The following SPATA13 variants were observed in gnomAD, a reference collection of about 807,000 sequenced individuals.
The protein encoded by SPATA13 is spermatogenesis-associated protein 13.
Under a neutral mutation model 104.0 loss-of-function variants are expected in SPATA13, and 50 were observed. The observed-to-expected ratio is 0.48, with a 90% CI of 0.38 to 0.61. The LOEUF (loss-of-function observed/expected upper bound fraction) is 0.61, where lower values mean the gene tolerates loss of function less well. Among genes scored for constraint, SPATA13 ranks in the 20% least tolerant of loss-of-function variants. The pLI is 0.00. For synonymous variants in SPATA13, 606 were observed against 667.5 expected (o/e 0.91, Z 1.42); for missense variants, 1,524 against 1,690.6 (o/e 0.90, Z 1.73).
At chr13:24,006,391 C>T (rs1876229188) in intron 2 of SPATA13, among the ~76,000 whole-genome samples, 1 of 152,188 alleles carries the variant, frequency 6.6e-6, no homozygotes, top group African/African-American at 2.4e-5. Flanking sequence ...AGAATAAAAT[C>T]TGTACACAGT....
At chr13:24,271,603 A>G (rs1874617825) in intron 4 of SPATA13, among the ~76,000 whole-genome samples, 3 of 152,246 alleles carry the variant, frequency 2.0e-5, no homozygotes, top group Non-Finnish European at 4.4e-5. Context: ...CTAGGAAGCC[A>G]TAAACTCTAA....
chr13:24,065,210 C>A (rs781366504), intron 3 of SPATA13, among the ~76,000 whole-genome samples: 1 of 152,058 alleles, frequency 6.6e-6, no homozygotes, highest in East Asian at 1.9e-4. Flanking sequence ...AGGAAAGAAA[C>A]TTTTCAGGTG....
rs1232995404 is a variant in SPATA13 at position 24,007,666 on chromosome 13, C to T, written c.-146-10001C>T. 2.6e-5 allele frequency among the ~76,000 whole-genome samples: 4 copies of T among 152,126 alleles called. No homozygotes were observed. In the South Asian group the frequency reaches 6.2e-4, roughly 24 times the overall value. On this transcript the variant is annotated intron_variant, in intron 2 of 14. Coordinates refer to the SPATA13 transcript ENST00000424834. ...GAGACAGCTTTTCTACTAAAAATGG[C>T]TATGGTGGCCAGGCTGGTCTTGAAC... is the stretch of plus-strand genomic sequence containing the variant.
Position 24,057,871 on chromosome 13 carries a change from C to T in SPATA13, c.-112+40170C>T, listed in dbSNP as rs140812247. Among the ~76,000 whole-genome samples the T allele has an allele frequency of 1.1e-3, 163 of 151,800 alleles. 1 individual carries two copies. Among genetic ancestry groups the T allele is most frequent in the African/African-American group, 3.8e-3 (157 of 41,482 alleles). On this transcript the variant is annotated intron_variant, in intron 3 of 14. Coordinates refer to the SPATA13 transcript ENST00000424834. ...GCTAAGAGAGACTCCAGATTCCCCT[C>T]CTCTCTTTTGATTTCAGCAGCTGGT...
chr13:24,145,659 T>C (rs564613552), intron 3 of SPATA13, among the ~76,000 whole-genome samples: 31 of 152,298 alleles, frequency 2.0e-4, no homozygotes, highest in East Asian at 1.9e-4. Context: ...GTTTGGGGAA[T>C]GAAGGTATTA....
At chr13:24,064,802 A>G (rs917862343) in intron 3 of SPATA13, among the ~76,000 whole-genome samples, 5 of 152,212 alleles carry the variant, frequency 3.3e-5, no homozygotes, top group South Asian at 2.1e-4. Context: ...TGAGCATGTC[A>G]TGTACCCCCA....
At chr13:24,218,704 A>C (rs1308725506) in intron 1 of SPATA13, among the ~76,000 whole-genome samples, 1 of 147,930 alleles carries the variant, frequency 6.8e-6, no homozygotes, top group African/African-American at 2.5e-5. Flanking sequence ...AAACATTATG[A>C]GGGGTTTTTT....
At chr13:24,206,885 T>C (rs1434897459) in intron 1 of SPATA13, among the ~76,000 whole-genome samples, 16 of 61,456 alleles carry the variant, frequency 2.6e-4, no homozygotes, top group African/African-American at 6.4e-4. Flanking sequence ...AGTGAAACTC[T>C]GTCTCAAAAA....
rs1877567286 is a variant in SPATA13, at chr13:24,306,214, G to T, written c.*3441G>T. ...CAAAGTGCATTTAATTCAAAATTTG[G>T]TTCACAATATAAGTATTTTGTAAAA... On this transcript the variant is annotated 3_prime_UTR_variant, in exon 13 of 13. Coordinates refer to ENST00000382108, the MANE Select transcript of SPATA13 (RefSeq NM_001166271.3). 1 of 152,118 alleles carries T rather than the reference G, an allele frequency of 6.6e-6. No individual in the cohort carries two copies. Among genetic ancestry groups the T allele is most frequent in the Admixed American group, 6.5e-5 (1 of 15,276 alleles). 9.4% of individuals were successfully genotyped at this position (152,118 alleles called of 1,614,324 possible).
intron 3 of SPATA13, chr13:24,123,364 C>T (rs1267262787): frequency 1.5e-6 from 2 of 1,293,624 alleles, no homozygotes; most frequent in Admixed American, 3.4e-5. Flanking sequence ...TAGTGAATTA[C>T]CCAGCAAGCC....
At chr13:24,186,599 G>A (rs2255894) in intron 1 of SPATA13, among the ~76,000 whole-genome samples, 25,820 of 152,160 alleles carry the variant, frequency 0.17, 2,627 homozygotes, top group African/African-American at 0.28. Context: ...ACTGTGCTAG[G>A]CCCAAGAGCT....
rs191350448 is a variant in SPATA13 at position 24,258,243 on chromosome 13, A to T, written c.2164+6381A>T. 3.2e-4 allele frequency among the ~76,000 whole-genome samples: 48 copies of T among 151,942 alleles called. No individual in the cohort carries two copies. The East Asian group carries it at 4.2e-3, about 13-fold the overall frequency. On this transcript the variant is annotated intron_variant, in intron 4 of 12. Transcript: ENST00000382108. ...AGAGTGAAACTCTATCTCAAAAAAA[A>T]AAAAATAAAAAGAACTCTGGATTCT...
intron 4 of SPATA13, among the ~76,000 whole-genome samples, chr13:24,262,296 CAA>C (rs1428992183): frequency 6.8e-6 from 1 of 146,906 alleles, no homozygotes; most frequent in East Asian, 2.0e-4. Flanking sequence ...TTGTTTAAAA[CAA>C]AGTTTTTTTT....
intron 2 of SPATA13, among the ~76,000 whole-genome samples, chr13:24,237,623 A>C (rs61625532): frequency 6.6e-6 from 1 of 152,072 alleles, no homozygotes; most frequent in African/African-American, 2.4e-5. Flanking sequence ...TGATAATTAC[A>C]TAACAGTGTG....
At position 24,223,371 on chromosome 13, in the gene SPATA13, A is replaced by G; in HGVS notation, c.442A>G (p.Ile148Val). The G allele has an allele frequency of 1.3e-6, 2 of 1,551,388 alleles. No homozygotes were observed. Among genetic ancestry groups the G allele is most frequent in the Non-Finnish European group, 1.7e-6 (2 of 1,146,998 alleles). Residue 148 changes from isoleucine to valine, a missense_variant, in exon 2 of 13, where the codon ATC becomes GTC. Ile to Val is a conservative substitution (Grantham distance 29). Coordinates refer to ENST00000382108, the MANE Select transcript of SPATA13 (RefSeq NM_001166271.3). ...EASEHGLGKS[I>V]PNGAVPGAQA... is the part of the protein sequence containing the mutation. ...TTCGGAGCATGGCCTGGGAAAGTCC[A>G]TCCCAAATGGCGCTGTCCCAGGAGC...
rs577529476 is a variant in SPATA13 at position 24,306,006 on chromosome 13, C to T, written c.*3233C>T. The T allele has an allele frequency of 7.9e-5, 12 of 152,314 alleles. No homozygotes were observed. The East Asian group carries it at 1.7e-3, about 22-fold the overall frequency. 9.4% of individuals were successfully genotyped at this position (152,314 alleles called of 1,614,324 possible). ...CCCTGGGATACCAGCCACATGGTTT[C>T]TTTTCATTAGATCTGATTTTTGTTT... On this transcript the variant is annotated 3_prime_UTR_variant, in exon 13 of 13. Transcript: ENST00000382108.
chr13:24,242,589 TG>T (rs1045868926), intron 2 of SPATA13, among the ~76,000 whole-genome samples: 1 of 152,160 alleles, frequency 6.6e-6, no homozygotes, highest in African/African-American at 2.4e-5. Flanking sequence ...CATCGTAAAA[TG>T]GGGGTAATTA....
chr13:24,171,708 C>T (rs1882976999), intron 1 of SPATA13, among the ~76,000 whole-genome samples: 1 of 152,182 alleles, frequency 6.6e-6, no homozygotes, highest in South Asian at 2.1e-4. Flanking sequence ...TAATTTTGAA[C>T]TTGCAGATTA....
Position 24,088,267 on chromosome 13 carries a change from G to A in SPATA13, c.-112+70566G>A, listed in dbSNP as rs1879798515. 6.6e-6 allele frequency among the ~76,000 whole-genome samples: 1 copy of A among 152,198 alleles called. No individual in the cohort carries two copies. The highest frequency in any genetic ancestry group is 1.5e-5 in the Non-Finnish European group (1 of 68,026). ...AGGTAGGGATTGTTTGCATTCTACA[G>A]ATGAGCACACCGAGGCTCAGAGCGG... On this transcript the variant is annotated intron_variant, in intron 3 of 14. Coordinates refer to the SPATA13 transcript ENST00000424834. The surrounding 1 kb of genome is among the most constrained non-coding windows in gnomAD (Gnocchi z 4.3).
Sources: gnomAD v4.1 joint callset for allele counts (sites outside exome capture counted in the v4.1 genomes callset) on GRCh38, gnomAD v4.1.1 for gene constraint, Gnocchi (gnomAD v3.1) non-coding constraint, MANE v1.5 for transcripts, NCBI Gene and HGNC (gene_info 2026-07-23, HGNC 2026-07-21) for gene names.